The following GALK2 variants were observed in gnomAD, a reference collection of about 807,000 sequenced individuals.
GALK2 encodes galactokinase 2, also known as N-acetylgalactosamine kinase.
A neutral mutation model predicts 52.4 loss-of-function variants in GALK2; 36 were observed. The observed-to-expected ratio is 0.69, with a 90% CI of 0.53 to 0.91. The LOEUF is 0.91. Ranked by LOEUF, GALK2 falls within the 40% of genes least tolerant of loss-of-function variation. The pLI, the probability that GALK2 is intolerant of heterozygous loss-of-function variation, is 0.00. For synonymous variants in GALK2, 176 were observed against 199.1 expected (o/e 0.88, Z 0.98); for missense variants, 579 against 559.1 (o/e 1.04, Z -0.36).
chr15:49,268,031 C>G (rs944553255), intron 5 of GALK2, among the ~76,000 whole-genome samples: 1 of 152,062 alleles, frequency 6.6e-6, no homozygotes, highest in Non-Finnish European at 1.5e-5. Context: ...AGATTTTTGT[C>G]TCTGAATATG....
intron 3 of GALK2, among the ~76,000 whole-genome samples, chr15:49,226,861 G>A (rs541598052): frequency 6.6e-6 from 1 of 152,218 alleles, no homozygotes; most frequent in East Asian, 1.9e-4. Context: ...GAATAATGCT[G>A]TTAAATTTCC....
intron 2 of GALK2, among the ~76,000 whole-genome samples, chr15:49,206,765 C>T (rs534995790): frequency 6.6e-6 from 1 of 152,088 alleles, no homozygotes; most frequent in African/African-American, 2.4e-5. Context: ...TCAAGGTAAA[C>T]GATCGTATCA....
At chr15:49,278,121 C>G (rs374683427) in intron 5 of GALK2, among the ~76,000 whole-genome samples, 3 of 152,004 alleles carry the variant, frequency 2.0e-5, no homozygotes, top group African/African-American at 7.2e-5. Flanking sequence ...ATTAGCCTGG[C>G]GTGGTGGCGG....
chr15:49,320,606 C>T (rs577916928), intron 9 of GALK2, among the ~76,000 whole-genome samples: 2 of 152,328 alleles, frequency 1.3e-5, no homozygotes, highest in South Asian at 2.1e-4. Flanking sequence ...CCACTTGGCA[C>T]TTGTGGCTTG....
At chr15:49,357,244 C>T (rs1475186797) in intron 3 of GALK2, among the ~76,000 whole-genome samples, 4 of 149,884 alleles carry the variant, frequency 2.7e-5, no homozygotes, top group Non-Finnish European at 1.5e-5. Flanking sequence ...CAGAGCAGAA[C>T]TGAAGGAAAT....
At chr15:49,318,837 C>CTTAA in intron 8 of GALK2, 1 of 417,440 alleles carries the variant, frequency 2.4e-6, no homozygotes, top group South Asian at 1.8e-5. Flanking sequence ...GATGTGTGTC[C>CTTAA]TTAAGCATGT....
intron 8 of GALK2, among the ~76,000 whole-genome samples, chr15:49,295,331 ATC>A (rs753863084): frequency 8.3e-5 from 11 of 132,320 alleles, no homozygotes; most frequent in East Asian, 4.2e-4. Flanking sequence ...CTCTCTCTCT[ATC>A]TATATATATA....
At chr15:49,260,150 C>T (rs2092029590) in intron 5 of GALK2, among the ~76,000 whole-genome samples, 1 of 152,146 alleles carries the variant, frequency 6.6e-6, no homozygotes, top group South Asian at 2.1e-4. Flanking sequence ...CCTGAGGAAT[C>T]GCCACACAGA....
intron 5 of GALK2, among the ~76,000 whole-genome samples, chr15:49,244,765 CCCATAATAT>C (rs1157536126): frequency 6.6e-6 from 1 of 151,918 alleles, no homozygotes; most frequent in East Asian, 1.9e-4. Flanking sequence ...CAACATAACA[CCCATAATAT>C]CCAGCAGCTT....
At chr15:49,259,351 A>G (rs922118595) in intron 5 of GALK2, among the ~76,000 whole-genome samples, 84 of 41,472 alleles carry the variant, frequency 2.0e-3, no homozygotes, top group African/African-American at 7.8e-3. Flanking sequence ...CCCCCACCCC[A>G]CAACAGTTCC....
At chr15:49,319,092 A>T in intron 8 of GALK2, 1 of 380,966 alleles carries the variant, frequency 2.6e-6, no homozygotes, top group Non-Finnish European at 5.1e-6. Context: ...CTGGGATTAC[A>T]TGCACCCACC....
chr15:49,187,064 C>CT (rs781155233), intron 1 of GALK2, among the ~76,000 whole-genome samples: 16 of 152,124 alleles, frequency 1.1e-4, no homozygotes, highest in Non-Finnish European at 1.9e-4. Context: ...TTATTTGTAT[C>CT]CTTTTGGGGC....
intron 8 of GALK2, among the ~76,000 whole-genome samples, chr15:49,310,533 T>C (rs2035906402): frequency 6.6e-6 from 1 of 152,202 alleles, no homozygotes; most frequent in Non-Finnish European, 1.5e-5. Flanking sequence ...TTTCTCTGCA[T>C]CCTCACCATC....
intron 3 of GALK2, among the ~76,000 whole-genome samples, chr15:49,220,037 G>T (rs2089674266): frequency 7.3e-6 from 1 of 136,392 alleles, no homozygotes; most frequent in African/African-American, 2.7e-5. Context: ...CCCTATTTTT[G>T]AGTTTCTTAT....
chr15:49,265,039 G>A (rs572311727), intron 5 of GALK2, among the ~76,000 whole-genome samples: 1 of 152,288 alleles, frequency 6.6e-6, no homozygotes, highest in South Asian at 2.1e-4. Context: ...GGACCCACTT[G>A]AGGAGGCAGT....
intron 8 of GALK2, among the ~76,000 whole-genome samples, chr15:49,293,289 A>C (rs2034127171): frequency 6.6e-6 from 1 of 152,226 alleles, no homozygotes; most frequent in Non-Finnish European, 1.5e-5. Context: ...AATGTCTTAA[A>C]GGCTGGAAGT....
At chr15:49,283,899 C>A (rs186439238) in intron 7 of GALK2, among the ~76,000 whole-genome samples, 181 bp downstream of exon 7, 1 of 152,204 alleles carries the variant, frequency 6.6e-6, no homozygotes, top group African/African-American at 2.4e-5. Context: ...ACAGATGAAC[C>A]AGTTGAGTCT....
chr15:49,232,098 G>A (rs1276244473), intron 3 of GALK2, among the ~76,000 whole-genome samples: 1 of 152,226 alleles, frequency 6.6e-6, no homozygotes, highest in Non-Finnish European at 1.5e-5. Context: ...TGACGGCTCT[G>A]CTCCTGCAGC....
intron 1 of GALK2, chr15:49,156,070 G>A: frequency 1.9e-6 from 3 of 1,573,360 alleles, no homozygotes; most frequent in East Asian, 2.2e-5. Context: ...ATTGCGGTGG[G>A]TGTTCCTAAG....
Sources: gnomAD v4.1 joint callset for allele counts (sites outside exome capture counted in the v4.1 genomes callset) on GRCh38, gnomAD v4.1.1 for gene constraint, MANE v1.5 for transcripts, NCBI Gene and HGNC (gene_info 2026-07-23, HGNC 2026-07-21) for gene names.